Variants in ZBTB20 observed in about 807,000 individuals in gnomAD.
The protein encoded by ZBTB20 is zinc finger and BTB domain containing 20.
In ZBTB20, 9 loss-of-function variants were observed where a neutral mutation model predicts 56.9. That is an observed-to-expected ratio of 0.16 (90% CI 0.10 to 0.28). The LOEUF (loss-of-function observed/expected upper bound fraction) is 0.28, where lower values mean the gene tolerates loss of function less well. Ranked by LOEUF, ZBTB20 falls within the 10% of genes least tolerant of loss-of-function variation. ZBTB20 has a pLI of 1.00. For synonymous variants in ZBTB20, 417 were observed against 420.7 expected (o/e 0.99, Z 0.11); for missense variants, 655 against 1,003.0 (o/e 0.65, Z 4.69).
intron 5 of ZBTB20, among the ~76,000 whole-genome samples, chr3:114,771,105 CTA>C (rs1024259877): frequency 6.6e-6 from 1 of 152,102 alleles, no homozygotes; most frequent in African/African-American, 2.4e-5. Context: ...TCTCAGAACT[CTA>C]TTTTTTTTCA....
chr3:114,521,394 C>T (rs781432883), intron 6 of ZBTB20, among the ~76,000 whole-genome samples: 1 of 152,116 alleles, frequency 6.6e-6, no homozygotes, highest in Non-Finnish European at 1.5e-5. Context: ...TCCAGGTCCT[C>T]TATGTTTAAG....
chr3:115,146,614 CG>C (rs931962898), intron 1 of ZBTB20, among the ~76,000 whole-genome samples: 3 of 152,160 alleles, frequency 2.0e-5, no homozygotes, highest in African/African-American at 7.2e-5. Context: ...AGGCGGGGGC[CG>C]GGAGCTCCGG....
intron 5 of ZBTB20, among the ~76,000 whole-genome samples, chr3:114,712,723 A>C (rs2064180804): frequency 6.6e-6 from 1 of 152,200 alleles, no homozygotes. Flanking sequence ...ATAAAAGGAT[A>C]TAGCAGTTTG....
chr3:114,725,655 A>C (rs2065222259), intron 5 of ZBTB20, among the ~76,000 whole-genome samples: 1 of 152,240 alleles, frequency 6.6e-6, no homozygotes, highest in African/African-American at 2.4e-5. Context: ...CAATCAGCGA[A>C]ATCCCAGAAA....
intron 4 of ZBTB20, among the ~76,000 whole-genome samples, chr3:114,865,696 A>T (rs2075736941): frequency 6.6e-6 from 1 of 152,200 alleles, no homozygotes; most frequent in African/African-American, 2.4e-5. Flanking sequence ...TTAGTGCTTC[A>T]CTAGATTTCA....
intron 6 of ZBTB20, among the ~76,000 whole-genome samples, chr3:114,667,001 A>C (rs1240781881): frequency 6.6e-6 from 1 of 152,072 alleles, no homozygotes; most frequent in Non-Finnish European, 1.5e-5. Context: ...TCTAGATTAC[A>C]TATGAAATGT....
intron 7 of ZBTB20, among the ~76,000 whole-genome samples, chr3:114,402,584 G>A (rs2086915908): frequency 2.0e-5 from 3 of 152,122 alleles, no homozygotes; most frequent in Non-Finnish European, 4.4e-5. Flanking sequence ...CAGAACAGCA[G>A]GGATCTTGAC....
chr3:115,117,777 A>G (rs557359111), intron 1 of ZBTB20, among the ~76,000 whole-genome samples: 61 of 152,250 alleles, frequency 4.0e-4, no homozygotes, highest in African/African-American at 1.4e-3. Flanking sequence ...TTAAAAGATA[A>G]ATAAATTATT....
At position 114,398,442 on chromosome 3, in the gene ZBTB20, G is replaced by GA. The variant is rs2086528243; in HGVS notation, c.-254-9338dup. Reference sequence around the variant, plus strand: ...AGTTTAAGATGCTAACAGCCCAGGTGAAATGTTCCATCACAATATTGGGAA... The same window carrying GA: ...AGTTTAAGATGCTAACAGCCCAGGTGAAAATGTTCCATCACAATATTGGGAA... On this transcript the variant is annotated intron_variant, in intron 7 of 11. Coordinates refer to ENST00000675478, the MANE Select transcript of ZBTB20 (RefSeq NM_001348800.3). Among the ~76,000 whole-genome samples, 3 of 152,210 alleles carry GA rather than the reference G, an allele frequency of 2.0e-5. No homozygotes were observed. In the South Asian group the frequency reaches 6.2e-4, roughly 32 times the overall value.
intron 1 of ZBTB20, chr3:115,102,520 G>A (rs1347910887): frequency 6.6e-6 from 1 of 151,840 alleles, no homozygotes; most frequent in Non-Finnish European, 1.5e-5. Context: ...TAAGGTTCTA[G>A]GTATTTTATT....
intron 1 of ZBTB20, among the ~76,000 whole-genome samples, chr3:115,078,871 T>C (rs969937100): frequency 2.0e-4 from 31 of 152,094 alleles, no homozygotes; most frequent in African/African-American, 7.2e-4. Context: ...GATATTCCTT[T>C]TCTTTAACAA....
In ZBTB20 at chr3:114,787,366, T is replaced by TATATACAC. The variant is rs1278656494; in HGVS notation, c.-343+13734_-343+13735insGTGTATAT. On this transcript the variant is annotated intron_variant, in intron 5 of 11. Coordinates refer to ENST00000675478, the MANE Select transcript of ZBTB20 (RefSeq NM_001348800.3). ...ATATATATATATATATATATATATA[T>TATATACAC]ATACACACACACACACACACACACA... 6.0e-4 allele frequency among the ~76,000 whole-genome samples: 50 copies of TATATACAC among 82,900 alleles called. 1 individual carries two copies. The highest frequency in any genetic ancestry group is 2.5e-3 in the African/African-American group (47 of 19,010). The allele number at this position is 82,900 out of a possible 152,430, so 54.4% of individuals were successfully genotyped here. A position where few individuals can be genotyped will look rare whatever the true frequency, so the allele number is the denominator to read the frequency against.
rs534021918 is a variant in ZBTB20 at position 114,908,496 on chromosome 3, C to T, written c.-455-8154G>A. Reference sequence around the variant, plus strand: ...CAACCTCCTAATAGATCTGGAATACCTAGAAGAAACAAATCCACTTTTGCA... The same window carrying T: ...CAACCTCCTAATAGATCTGGAATACTTAGAAGAAACAAATCCACTTTTGCA... On this transcript the variant is annotated intron_variant, in intron 3 of 11. Transcript: ENST00000675478. Among the ~76,000 whole-genome samples the T allele has an allele frequency of 3.3e-5, 5 of 151,976 alleles. No individual in the cohort carries two copies. The East Asian group carries it at 7.7e-4, about 24-fold the overall frequency.
rs2079561377 is a variant in ZBTB20, at chr3:114,338,988, A to T, written c.*17T>A. The T allele has an allele frequency of 2.7e-6, 4 of 1,486,846 alleles. No homozygotes were observed. The highest frequency in any genetic ancestry group is 2.7e-6 in the Non-Finnish European group (3 of 1,115,526). The allele number at this position is 1,486,846 out of a possible 1,614,324, so 92.1% of individuals were successfully genotyped here. A position where few individuals can be genotyped will look rare whatever the true frequency, so the allele number is the denominator to read the frequency against. On this transcript the variant is annotated 3_prime_UTR_variant, in exon 12 of 12. Transcript: ENST00000675478. ...TGTTGTTTTGTTTTGTTCATAAGAAAGAGAGAAAGATACTACTTATCCGTC... is the reference window on the plus strand; with the variant it reads ...TGTTGTTTTGTTTTGTTCATAAGAATGAGAGAAAGATACTACTTATCCGTC...
At chr3:114,722,999 TC>T (rs1305605802) in intron 5 of ZBTB20, among the ~76,000 whole-genome samples, 1 of 152,200 alleles carries the variant, frequency 6.6e-6, no homozygotes. Flanking sequence ...GAAACGTAGC[TC>T]TTTATCATTC....
intron 6 of ZBTB20, among the ~76,000 whole-genome samples, chr3:114,553,363 C>T (rs76512427): frequency 0.069 from 10,456 of 152,186 alleles, 376 homozygotes; most frequent in South Asian, 0.089. Context: ...ACTTCCACTC[C>T]ATGAACACTT....
intron 1 of ZBTB20, among the ~76,000 whole-genome samples, chr3:115,132,083 AT>A (rs1232713188): frequency 1.3e-5 from 2 of 152,166 alleles, no homozygotes; most frequent in South Asian, 2.1e-4. Flanking sequence ...AGAAAAAAAA[AT>A]CTCCCAAGAT....
rs1470869824 is a variant in ZBTB20, at chr3:114,327,398, A to T, written c.*11607T>A. Reference sequence around the variant, plus strand: ...TTTAAAAGAGTCTTTCTTCCTTTGGAAGCCAGTGCCTAAGGAGAGGATTAC... The same window carrying T: ...TTTAAAAGAGTCTTTCTTCCTTTGGTAGCCAGTGCCTAAGGAGAGGATTAC... On this transcript the variant is annotated 3_prime_UTR_variant, in exon 12 of 12. Transcript: ENST00000675478. 1 of 152,146 alleles carries T rather than the reference A, an allele frequency of 6.6e-6. No homozygotes were observed. The highest frequency in any genetic ancestry group is 1.5e-5 in the Non-Finnish European group (1 of 68,018). 9.4% of individuals were successfully genotyped at this position (152,146 alleles called of 1,614,324 possible).
chr3:114,380,741 T>C, intron 9 of ZBTB20, 36 bp downstream of exon 9: 1 of 1,487,592 alleles, frequency 6.7e-7, no homozygotes, highest in Middle Eastern at 1.7e-4. Context: ...TTAGGAGTTT[T>C]AACATGGTCT....
Sources: allele counts gnomAD v4.1 joint callset (sites outside exome capture counted in the v4.1 genomes callset), GRCh38; gene constraint gnomAD v4.1.1; transcripts MANE v1.5; gene names NCBI Gene and HGNC (gene_info 2026-07-23, HGNC 2026-07-21).